The following XPO6 variants were observed in gnomAD, a reference collection of about 807,000 sequenced individuals.
XPO6 encodes the protein exportin 6, also known as exportin-6.
XPO6 carries 3 observed loss-of-function variants against 130.0 expected under a neutral mutation model. That is an observed-to-expected ratio of 0.02 (90% CI 0.01 to 0.06). XPO6 has a LOEUF of 0.06. Among genes scored for constraint, XPO6 ranks in the 10% least tolerant of loss-of-function variants. XPO6 has a pLI of 1.00. For missense variants in XPO6, 970 were observed against 1,393.0 expected, an observed-to-expected ratio of 0.70 and a Z score of 4.83; for synonymous variants, 524 against 548.9, an observed-to-expected ratio of 0.95 and a Z score of 0.63.
intron 8 of XPO6, among the ~76,000 whole-genome samples, chr16:28,149,474 C>T (rs1221115635): frequency 6.6e-6 from 1 of 152,240 alleles, no homozygotes; most frequent in Admixed American, 6.5e-5. Flanking sequence ...TTTCCATCAA[C>T]AATAGACTGC....
intron 2 of XPO6, among the ~76,000 whole-genome samples, chr16:28,179,674 A>G (rs2141869588): frequency 6.6e-6 from 1 of 152,334 alleles, no homozygotes; most frequent in South Asian, 2.1e-4. Context: ...AGCCCTTTGA[A>G]GAAAAGGCTT....
intron 18 of XPO6, 105 bp downstream of exon 18, chr16:28,107,417 G>A: frequency 7.4e-7 from 1 of 1,356,762 alleles, no homozygotes; most frequent in Non-Finnish European, 1.0e-6. Flanking sequence ...CACGGAACAA[G>A]TCAAGGCCTG....
chr16:28,176,647 G>A (rs999464963), intron 3 of XPO6, among the ~76,000 whole-genome samples: 11 of 151,006 alleles, frequency 7.3e-5, no homozygotes, highest in East Asian at 1.9e-4. Flanking sequence ...ACAGGCACCC[G>A]CCACCACGCC....
Position 28,198,873 on chromosome 16 carries a change from G to C in XPO6, c.3+12493C>G, listed in dbSNP as rs556111810. The stretch of plus-strand genomic sequence containing the variant: ...AAATAAATAAATCTGGCCAGGCGCA[G>C]TGGCTCACACATGTAATCCCAGCAC... On this transcript the variant is annotated intron_variant, in intron 1 of 23. Coordinates refer to ENST00000304658, the MANE Select transcript of XPO6 (RefSeq NM_015171.4). 1.3e-4 allele frequency among the ~76,000 whole-genome samples: 20 copies of C among 151,890 alleles called. No individual in the cohort carries two copies. In the Middle Eastern group the frequency reaches 0.011, roughly 80 times the overall value.
chr16:28,098,278 G>C lies in XPO6; in HGVS notation c.*260C>G, dbSNP rs2086576807. On this transcript the variant is annotated 3_prime_UTR_variant, in exon 24 of 24. Transcript: ENST00000304658. ...CATGGGCCACCCCGCGGGATTTCCT[G>C]GTGCCTCCTAGTACCTGGCCACACA... 7.7e-6 allele frequency: 3 copies of C among 388,250 alleles called. No homozygotes were observed. The highest frequency in any genetic ancestry group is 1.4e-5 in the Non-Finnish European group (3 of 213,682). 24.1% of individuals were successfully genotyped at this position (388,250 alleles called of 1,614,324 possible). A position where few individuals can be genotyped will look rare whatever the true frequency, so the allele number is the denominator to read the frequency against.
At chr16:28,151,703 ATG>A (rs1379092241) in intron 8 of XPO6, among the ~76,000 whole-genome samples, 1 of 152,146 alleles carries the variant, frequency 6.6e-6, no homozygotes, top group Non-Finnish European at 1.5e-5. Flanking sequence ...ACTTTTCTGT[ATG>A]TGTGTCATAC....
At chr16:28,116,898 T>C (rs1253129259) in intron 15 of XPO6, 1 of 162,652 alleles carries the variant, frequency 6.1e-6, no homozygotes, top group Non-Finnish European at 1.4e-5. Flanking sequence ...ACAGATTTGC[T>C]TGATGCAGGG....
intron 1 of XPO6, among the ~76,000 whole-genome samples, chr16:28,204,724 AG>A (rs1285390444): frequency 1.3e-5 from 2 of 152,176 alleles, no homozygotes; most frequent in African/African-American, 4.8e-5. Context: ...GTGCGACAGG[AG>A]GAAAACCAAG....
At chr16:28,161,445 TAA>T (rs1371086560) in intron 6 of XPO6, among the ~76,000 whole-genome samples, 1 of 152,130 alleles carries the variant, frequency 6.6e-6, no homozygotes, top group Non-Finnish European at 1.5e-5. Flanking sequence ...ACGAAGGGTT[TAA>T]GTTCTATTCT....
At chr16:28,179,123 GGCTATGAAACCATGA>G (rs1277466106) in intron 2 of XPO6, 1 of 152,310 alleles carries the variant, frequency 6.6e-6, no homozygotes, top group Non-Finnish European at 1.5e-5. Context: ...GGGCTCGTGG[GGCTATGAAACCATGA>G]GCTCTTAATG....
chr16:28,132,647 CTT>C lies in XPO6; in HGVS notation c.1537-246_1537-245del, dbSNP rs1396884717. Among the ~76,000 whole-genome samples, 2 of 134,514 alleles carry C rather than the reference CTT, an allele frequency of 1.5e-5. No homozygotes were observed. The highest frequency in any genetic ancestry group is 2.2e-4 in the East Asian group (1 of 4,648). The allele number at this position is 134,514 out of a possible 152,430, so 88.2% of individuals were successfully genotyped here. On this transcript the variant is annotated intron_variant, in intron 11 of 23. Transcript: ENST00000304658. The surrounding 1 kb of genome is among the most constrained non-coding windows in gnomAD (Gnocchi z 4.0). ...AGAAAGAAAACGTATTAGTTCAACC[CTT>C]TTTTTAAAAAAAAAAAAAAAGCAAA...
intron 12 of XPO6, among the ~76,000 whole-genome samples, chr16:28,130,280 T>C (rs1206485516): frequency 6.6e-6 from 1 of 152,238 alleles, no homozygotes; most frequent in East Asian, 1.9e-4. Flanking sequence ...GAATCGCGGC[T>C]GGCGCCCATT....
At chr16:28,197,451 C>T (rs1596968093) in intron 1 of XPO6, among the ~76,000 whole-genome samples, 2 of 152,016 alleles carry the variant, frequency 1.3e-5, no homozygotes, top group African/African-American at 4.8e-5. Context: ...CCTACATAGA[C>T]ACACAGAAAA....
At chr16:28,207,549 T>C (rs1412366497) in intron 1 of XPO6, among the ~76,000 whole-genome samples, 1 of 152,200 alleles carries the variant, frequency 6.6e-6, no homozygotes, top group Non-Finnish European at 1.5e-5. Context: ...CTTTTTAAAC[T>C]GGTTCTAAAT....
intron 7 of XPO6, chr16:28,153,930 C>T (rs2043139120): frequency 1.0e-6 from 1 of 985,224 alleles, no homozygotes; most frequent in South Asian, 4.7e-5. Context: ...GGGTGGCCAG[C>T]CTGCCTGCCT....
chr16:28,108,195 G>A (rs1408166437), intron 17 of XPO6, among the ~76,000 whole-genome samples: 2 of 152,204 alleles, frequency 1.3e-5, no homozygotes, highest in Admixed American at 1.3e-4. Context: ...GGTGCTGGCT[G>A]CAAGAACAAC....
At chr16:28,147,129 G>A (rs2042998190) in intron 8 of XPO6, among the ~76,000 whole-genome samples, 1 of 152,176 alleles carries the variant, frequency 6.6e-6, no homozygotes, top group Non-Finnish European at 1.5e-5. Flanking sequence ...GACCTTCTTG[G>A]ATCAGTTTCT....
chr16:28,139,778 T>C (rs762554510), intron 9 of XPO6, among the ~76,000 whole-genome samples: 4 of 152,056 alleles, frequency 2.6e-5, no homozygotes, highest in African/African-American at 4.8e-5. Context: ...CAACACTCAA[T>C]AGACACACTG....
At chr16:28,128,997 G>A in intron 12 of XPO6, among the ~76,000 whole-genome samples, 1 of 152,114 alleles carries the variant, frequency 6.6e-6, no homozygotes, top group Admixed American at 6.5e-5. Flanking sequence ...ACAACTATGG[G>A]TACCTAGCAT....
Sources: gnomAD v4.1 joint callset for allele counts (sites outside exome capture counted in the v4.1 genomes callset) on GRCh38, gnomAD v4.1.1 for gene constraint, Gnocchi (gnomAD v3.1) non-coding constraint, MANE v1.5 for transcripts, NCBI Gene and HGNC (gene_info 2026-07-23, HGNC 2026-07-21) for gene names.